The following GNPTAB variants were observed in gnomAD, a reference collection of about 807,000 sequenced individuals.
GNPTAB encodes N-acetylglucosamine-1-phosphate transferase subunits alpha and beta.
In GNPTAB, 92 loss-of-function variants were observed where a neutral mutation model predicts 136.6. The observed-to-expected ratio is 0.67, with a 90% confidence interval of 0.57 to 0.80. The LOEUF (loss-of-function observed/expected upper bound fraction) is 0.80, where lower values mean the gene tolerates loss of function less well. Among genes scored for constraint, GNPTAB ranks in the 30% least tolerant of loss-of-function variants. The pLI is 0.00. For synonymous variants in GNPTAB, 512 were observed against 535.1 expected, an observed-to-expected ratio of 0.96 and a Z score of 0.60; for missense variants, 1,343 against 1,501.8, an observed-to-expected ratio of 0.89 and a Z score of 1.75.
intron 19 of GNPTAB, among the ~76,000 whole-genome samples, chr12:101,752,629 C>T (rs1326713269): frequency 6.6e-6 from 1 of 152,208 alleles, no homozygotes; most frequent in East Asian, 1.9e-4. Context: ...CCTGATCATT[C>T]CCACCTCCAA....
At position 101,764,609 on chromosome 12, in the gene GNPTAB, C is replaced by A. The variant is rs755981890; in HGVS notation, c.2308G>T (p.Val770Phe). 4 of 1,613,984 alleles carry A rather than the reference C, an allele frequency of 2.5e-6. No individual in the cohort carries two copies. In the South Asian group the frequency reaches 3.3e-5, roughly 13 times the overall value. ...CTGTTTGGCAAGATGCTTTTATGAA[C>A]CTGTTTTTCCTGTGGAGCCACCAAA... Reference protein sequence around the residue: ...DSLVAPQEKQVHKSILPNSLG... With the variant: ...DSLVAPQEKQFHKSILPNSLG... The change falls in exon 13 of 21, where the codon GTT becomes TTT. Residue 770 changes from valine to phenylalanine, a missense_variant. Val to Phe is a conservative substitution (Grantham distance 50). Transcript: ENST00000299314.
At chr12:101,828,023 C>T (rs770788569) in intron 1 of GNPTAB, among the ~76,000 whole-genome samples, 3 of 152,060 alleles carry the variant, frequency 2.0e-5, no homozygotes, top group Non-Finnish European at 4.4e-5. Flanking sequence ...AATTAGTGAG[C>T]TTACAATCCA....
Position 101,761,193 on chromosome 12 carries a change from A to T in GNPTAB, c.3069T>A (p.Gly1023=). The T allele has an allele frequency of 6.2e-7, 1 of 1,614,138 alleles. No homozygotes were observed. Among genetic ancestry groups the T allele is most frequent in the Non-Finnish European group, 8.5e-7 (1 of 1,179,944 alleles). ...TTCGGATTTCTCTGTCAGACAAGAC[A>T]CCAGATTGATCTGTATCAACTTCAT... ...VFDEVDTDQS[G]VLSDREIRTL... The change falls in exon 15 of 21, where the codon GGT becomes GGA. Residue 1023 remains glycine (G), a synonymous_variant. Transcript: ENST00000299314.
At chr12:101,814,599 A>T (rs1006662351) in intron 1 of GNPTAB, among the ~76,000 whole-genome samples, 2 of 151,590 alleles carry the variant, frequency 1.3e-5, no homozygotes, top group African/African-American at 4.9e-5. Flanking sequence ...CGTGAGGCTG[A>T]GCCAGGAGAA....
At chr12:101,776,667 G>A (rs1863907) in intron 7 of GNPTAB, among the ~76,000 whole-genome samples, 94,613 of 152,142 alleles carry the variant, frequency 0.62, 30,368 homozygotes, top group East Asian at 0.92. Context: ...AGTGACTCCT[G>A]TGAATAATCA....
At chr12:101,755,731 G>A (rs908162096) in intron 18 of GNPTAB, among the ~76,000 whole-genome samples, 7 of 152,136 alleles carry the variant, frequency 4.6e-5, no homozygotes, top group African/African-American at 1.2e-4. Flanking sequence ...ATAAGCCTTC[G>A]TCGAAATAAA....
intron 1 of GNPTAB, among the ~76,000 whole-genome samples, chr12:101,824,437 CTT>C (rs757768467): frequency 0.013 from 589 of 47,026 alleles, 10 homozygotes; most frequent in African/African-American, 0.053. Context: ...TATATATTTT[CTT>C]TTTTTTTTTT....
At chr12:101,825,000 A>G (rs990910799) in intron 1 of GNPTAB, among the ~76,000 whole-genome samples, 6 of 152,080 alleles carry the variant, frequency 3.9e-5, no homozygotes, top group African/African-American at 1.4e-4. Flanking sequence ...TTAAACTCCT[A>G]CTTGTCCATG....
At chr12:101,770,231 G>A in intron 9 of GNPTAB, 40 bp from the exon 10 acceptor site, 4 of 1,605,042 alleles carry the variant, frequency 2.5e-6, no homozygotes, top group Non-Finnish European at 3.4e-6. Flanking sequence ...GTGAATGAGA[G>A]CTGTTTGGGT....
intron 16 of GNPTAB, among the ~76,000 whole-genome samples, chr12:101,758,108 A>G (rs1386260296): frequency 2.0e-5 from 3 of 148,068 alleles, no homozygotes; most frequent in Non-Finnish European, 4.4e-5. Flanking sequence ...GCGCGATCTC[A>G]GCTTACTGCA....
At chr12:101,821,695 T>C (rs929624455) in intron 1 of GNPTAB, among the ~76,000 whole-genome samples, 1 of 152,164 alleles carries the variant, frequency 6.6e-6, no homozygotes, top group African/African-American at 2.4e-5. Flanking sequence ...TCCCACTTCC[T>C]TACGCCCAAG....
At chr12:101,802,356 A>G (rs1869692005) in intron 1 of GNPTAB, among the ~76,000 whole-genome samples, 1 of 152,180 alleles carries the variant, frequency 6.6e-6, no homozygotes, top group Non-Finnish European at 1.5e-5. Flanking sequence ...GGGAACTTCC[A>G]GAGGTTACTG....
At chr12:101,798,893 G>A (rs958988120) in intron 1 of GNPTAB, among the ~76,000 whole-genome samples, 4 of 152,272 alleles carry the variant, frequency 2.6e-5, no homozygotes, top group African/African-American at 9.6e-5. Context: ...CTTAGAAAGT[G>A]CCACTAGTGC....
intron 1 of GNPTAB, among the ~76,000 whole-genome samples, chr12:101,822,151 C>T (rs1190152938): frequency 1.3e-5 from 2 of 152,144 alleles, no homozygotes. Flanking sequence ...CGGTGGCTCA[C>T]GCCTGTAATC....
At chr12:101,816,476 T>G (rs1278798729) in intron 1 of GNPTAB, among the ~76,000 whole-genome samples, 1 of 152,142 alleles carries the variant, frequency 6.6e-6, no homozygotes, top group Non-Finnish European at 1.5e-5. Flanking sequence ...ATCAGGGAAA[T>G]GTAATTAAAA....
chr12:101,808,643 G>A (rs1447977108), intron 1 of GNPTAB, among the ~76,000 whole-genome samples: 1 of 152,150 alleles, frequency 6.6e-6, no homozygotes, highest in Non-Finnish European at 1.5e-5. Context: ...AGACTGATCA[G>A]TTGTACTAAT....
chr12:101,788,476 A>C (rs1410395994), intron 4 of GNPTAB, 72 bp downstream of exon 4: 25 of 942,038 alleles, frequency 2.7e-5, no homozygotes, highest in Admixed American at 8.5e-5. Context: ...TACCCAATAA[A>C]AACAAATGAT....
chr12:101,805,381 A>G (rs1869877955), intron 1 of GNPTAB, among the ~76,000 whole-genome samples: 1 of 152,166 alleles, frequency 6.6e-6, no homozygotes, highest in Admixed American at 6.5e-5. Context: ...ATAAAAGGTG[A>G]AAAGAATGTT....
chr12:101,780,347 G>A, intron 6 of GNPTAB, 61 bp from the exon 7 acceptor site: 2 of 1,559,260 alleles, frequency 1.3e-6, no homozygotes, highest in Non-Finnish European at 1.8e-6. Context: ...AAAACCTACA[G>A]CTGAGAAAAC....
Sources: gnomAD v4.1 joint callset for allele counts (sites outside exome capture counted in the v4.1 genomes callset) on GRCh38, gnomAD v4.1.1 for gene constraint, MANE v1.5 for transcripts, NCBI Gene and HGNC (gene_info 2026-07-23, HGNC 2026-07-21) for gene names.